Variants in DENND1A observed in about 807,000 individuals in gnomAD.
DENND1A encodes DENN domain-containing protein 1A.
Under a neutral mutation model 113.7 loss-of-function variants are expected in DENND1A, and 51 were observed. The ratio of observed to expected loss-of-function variants is 0.45; its 90% CI spans 0.36 to 0.57. The LOEUF is 0.57. Among genes scored for constraint, DENND1A ranks in the 20% least tolerant of loss-of-function variants. DENND1A has a pLI of 0.00. For missense variants in DENND1A, 1,258 were observed against 1,395.9 expected, an observed-to-expected ratio of 0.90 and a Z score of 1.57; for synonymous variants, 565 against 570.8, an observed-to-expected ratio of 0.99 and a Z score of 0.14.
At chr9:123,600,430 C>T (rs569859255) in intron 11 of DENND1A, among the ~76,000 whole-genome samples, 15 of 152,266 alleles carry the variant, frequency 9.9e-5, no homozygotes, top group Admixed American at 2.0e-4. Context: ...GGCACCTTAA[C>T]GTACCCATCT....
At chr9:123,507,871 A>C (rs1332380969) in intron 13 of DENND1A, among the ~76,000 whole-genome samples, 1 of 150,890 alleles carries the variant, frequency 6.6e-6, no homozygotes, top group Non-Finnish European at 1.5e-5. Flanking sequence ...TTTTGTCTTA[A>C]AATTACTAGT....
intron 13 of DENND1A, among the ~76,000 whole-genome samples, chr9:123,493,432 C>T (rs562986875): frequency 4.7e-4 from 72 of 152,212 alleles, no homozygotes; most frequent in South Asian, 1.0e-3. Flanking sequence ...GGCGGTGCAG[C>T]GGGTCCGGAT....
chr9:123,751,531 T>C (rs2070030530), intron 5 of DENND1A: 1 of 152,158 alleles, frequency 6.6e-6, no homozygotes, highest in Non-Finnish European at 1.5e-5. Flanking sequence ...ATTCAAAAAA[T>C]CACTTTTGCC....
chr9:123,876,370 T>C (rs978698103), intron 2 of DENND1A, among the ~76,000 whole-genome samples: 2 of 152,184 alleles, frequency 1.3e-5, no homozygotes, highest in African/African-American at 4.8e-5. Flanking sequence ...TAAATTTAAA[T>C]ATGGACAACT....
intron 11 of DENND1A, among the ~76,000 whole-genome samples, chr9:123,585,894 A>G (rs1436290854): frequency 6.6e-6 from 1 of 152,080 alleles, no homozygotes; most frequent in Non-Finnish European, 1.5e-5. Flanking sequence ...GAGCAAACAC[A>G]CCCACAATGC....
chr9:123,676,644 T>A (rs1237266319), intron 6 of DENND1A, 76 bp downstream of exon 6: 1 of 1,412,892 alleles, frequency 7.1e-7, no homozygotes, highest in Non-Finnish European at 9.7e-7. Context: ...TGGTAAAATA[T>A]AAGGCATGTT....
At chr9:123,702,070 A>C (rs2065914582) in intron 5 of DENND1A, among the ~76,000 whole-genome samples, 1 of 152,232 alleles carries the variant, frequency 6.6e-6, no homozygotes, top group African/African-American at 2.4e-5. Flanking sequence ...GAGAAACATA[A>C]TAAGTGACCA....
chr9:123,446,520 G>A (rs1214716520), intron 18 of DENND1A, among the ~76,000 whole-genome samples: 1 of 152,144 alleles, frequency 6.6e-6, no homozygotes, highest in African/African-American at 2.4e-5. Flanking sequence ...CAATCACAGA[G>A]ACTCTAAATC....
intron 5 of DENND1A, among the ~76,000 whole-genome samples, chr9:123,752,558 G>A (rs1423865120): frequency 6.6e-6 from 1 of 152,122 alleles, no homozygotes; most frequent in East Asian, 1.9e-4. Flanking sequence ...TTTAATTATT[G>A]TATGACATAT....
At position 123,381,151 on chromosome 9, in the gene DENND1A, T is replaced by G. The variant is rs1254265559; in HGVS notation, c.*281A>C. 3 of 443,816 alleles carry G rather than the reference T, an allele frequency of 6.8e-6. No homozygotes were observed. The African/African-American group carries it at 7.5e-5, about 11-fold the overall frequency. The allele number at this position is 443,816 out of a possible 1,614,324, so 27.5% of individuals were successfully genotyped here. ...AGCAATATCATTGGCCCAGCTGACC[T>G]CTTTAGTGCAAAACCCAATCAAGGG... On this transcript the variant is annotated 3_prime_UTR_variant, in exon 24 of 24. Coordinates refer to ENST00000394215, the MANE Select transcript of DENND1A (RefSeq NM_001352964.2). The surrounding 1 kb of genome is among the most constrained non-coding windows in gnomAD (Gnocchi z 4.7).
chr9:123,580,962 C>T (rs115005047), intron 12 of DENND1A, among the ~76,000 whole-genome samples: 374 of 152,296 alleles, frequency 2.5e-3, no homozygotes, highest in African/African-American at 8.3e-3. Flanking sequence ...AAGGCACGTG[C>T]TCTCTGAGGT....
chr9:123,498,792 G>A (rs775450283), intron 13 of DENND1A, among the ~76,000 whole-genome samples: 9 of 151,436 alleles, frequency 5.9e-5, no homozygotes, highest in Non-Finnish European at 1.0e-4. Context: ...GCGTGATCTC[G>A]GCTCATTGCA....
intron 13 of DENND1A, among the ~76,000 whole-genome samples, chr9:123,536,043 T>C (rs2055737465): frequency 1.3e-5 from 2 of 152,152 alleles, no homozygotes; most frequent in Admixed American, 1.3e-4. Context: ...ACTGACTATA[T>C]AGCAAAACCT....
At position 123,418,712 on chromosome 9, in the gene DENND1A, G is replaced by A. The variant is rs370215399; in HGVS notation, c.1489-6883C>T. Among the ~76,000 whole-genome samples the A allele has an allele frequency of 6.6e-5, 10 of 152,200 alleles. 1 individual carries two copies. The highest frequency in any genetic ancestry group is 2.1e-4 in the South Asian group (1 of 4,830). Reference sequence around the variant, plus strand: ...CGGTGCTTCCAGGGCCTAAGCAGCCGCTGCACACTCACCAGCGCAAGGCTC... The same window carrying A: ...CGGTGCTTCCAGGGCCTAAGCAGCCACTGCACACTCACCAGCGCAAGGCTC... On this transcript the variant is annotated intron_variant, in intron 19 of 23. Coordinates refer to ENST00000394215, the MANE Select transcript of DENND1A (RefSeq NM_001352964.2).
chr9:123,871,733 C>G (rs1050689538), intron 2 of DENND1A, among the ~76,000 whole-genome samples: 3 of 152,104 alleles, frequency 2.0e-5, no homozygotes, highest in South Asian at 2.1e-4. Flanking sequence ...AACCTAACCA[C>G]CCCATTCTTT....
chr9:123,472,839 G>C (rs10986025), intron 13 of DENND1A, among the ~76,000 whole-genome samples: 1 of 152,222 alleles, frequency 6.6e-6, no homozygotes, highest in Non-Finnish European at 1.5e-5. Context: ...AGGTCTGTAA[G>C]TCTCCTGCCT....
Position 123,380,311 on chromosome 9 carries a change from T to TAAAC in DENND1A, c.*1117_*1120dup, listed in dbSNP as rs1232437801. On this transcript the variant is annotated 3_prime_UTR_variant, in exon 24 of 24. Transcript: ENST00000394215. ...AGGTAAAAAGGAAAAAGAAAGATAA[T>TAAAC]AAACATTCAATCTAACTTTGGTGAC... is the stretch of plus-strand genomic sequence containing the variant. 2.6e-5 allele frequency: 4 copies of TAAAC among 152,630 alleles called. No homozygotes were observed. The highest frequency in any genetic ancestry group is 1.9e-4 in the East Asian group (1 of 5,190). The allele number at this position is 152,630 out of a possible 1,614,324, so 9.5% of individuals were successfully genotyped here.
Position 123,387,952 on chromosome 9 carries a change from C to T in DENND1A, c.1632-94G>A, listed in dbSNP as rs1046829202. The T allele has an allele frequency of 4.9e-5, 59 of 1,210,774 alleles. No homozygotes were observed. The East Asian group carries it at 5.9e-4, about 12-fold the overall frequency. 75.0% of individuals were successfully genotyped at this position (1,210,774 alleles called of 1,614,324 possible). On this transcript the variant is annotated intron_variant, in intron 21 of 23. Coordinates refer to ENST00000394215, the MANE Select transcript of DENND1A (RefSeq NM_001352964.2). Reference sequence around the variant, plus strand: ...GCGGGAAGCAGGCCTCTGGGCTCCACGCCTGGCCCTGCCTCTGTGTGCCAG... The same window carrying T: ...GCGGGAAGCAGGCCTCTGGGCTCCATGCCTGGCCCTGCCTCTGTGTGCCAG...
chr9:123,524,696 T>A (rs149731341), intron 13 of DENND1A, among the ~76,000 whole-genome samples: 1 of 152,308 alleles, frequency 6.6e-6, no homozygotes, highest in Non-Finnish European at 1.5e-5. Context: ...TGACAATGTC[T>A]CAGGCTGCCC....
Sources: allele counts gnomAD v4.1 joint callset (sites outside exome capture counted in the v4.1 genomes callset), GRCh38; gene constraint gnomAD v4.1.1; non-coding constraint Gnocchi (gnomAD v3.1); transcripts MANE v1.5; gene names NCBI Gene and HGNC (gene_info 2026-07-23, HGNC 2026-07-21).